SMYD3: variants seen among roughly 807,000 people sequenced by gnomAD.
SMYD3 encodes histone-lysine N-methyltransferase SMYD3.
SMYD3 carries 36 observed loss-of-function variants against 57.7 expected under a neutral mutation model. The observed-to-expected ratio is 0.62, with a 90% confidence interval of 0.48 to 0.82. The LOEUF (loss-of-function observed/expected upper bound fraction) is 0.82, where lower values mean the gene tolerates loss of function less well. Among genes scored for constraint, SMYD3 ranks in the 40% least tolerant of loss-of-function variants. SMYD3 has a pLI of 0.00. For missense variants in SMYD3, 515 were observed against 538.8 expected, an observed-to-expected ratio of 0.96 and a Z score of 0.44; for synonymous variants, 211 against 195.0, an observed-to-expected ratio of 1.08 and a Z score of -0.68.
chr1:246,452,171 C>T (rs1301136576), intron 1 of SMYD3, among the ~76,000 whole-genome samples: 3 of 152,182 alleles, frequency 2.0e-5, no homozygotes, highest in Admixed American at 2.0e-4. Flanking sequence ...CACACAGTGA[C>T]ACCAAAACCT....
At chr1:245,917,340 T>G (rs879671813) in intron 7 of SMYD3, among the ~76,000 whole-genome samples, 3 of 152,234 alleles carry the variant, frequency 2.0e-5, no homozygotes, top group Non-Finnish European at 2.9e-5. Context: ...ATTTTTCTAA[T>G]AATTTATTTT....
intron 10 of SMYD3, among the ~76,000 whole-genome samples, chr1:245,778,885 C>T (rs1457127920): frequency 1.3e-5 from 2 of 152,072 alleles, no homozygotes; most frequent in Admixed American, 6.5e-5. Context: ...GGAGGCCTGG[C>T]GTGGTGGCTC....
At chr1:245,756,171 TTA>T (rs1343529798) in intron 11 of SMYD3, among the ~76,000 whole-genome samples, 1 of 149,346 alleles carries the variant, frequency 6.7e-6, no homozygotes, top group African/African-American at 2.4e-5. Context: ...TGTATGCATA[TTA>T]TATATGTATA....
chr1:246,452,373 G>T (rs1431449878), intron 1 of SMYD3, among the ~76,000 whole-genome samples: 2 of 152,092 alleles, frequency 1.3e-5, no homozygotes, highest in Non-Finnish European at 2.9e-5. Flanking sequence ...GTGGTGTTGT[G>T]CACCTGTACT....
rs1362353739 is a variant in SMYD3 at position 246,481,607 on chromosome 1, TACACATACATATATAC to T, written c.164+25431_164+25446del. 2.0e-3 allele frequency among the ~76,000 whole-genome samples: 126 copies of T among 61,980 alleles called. 8 individuals are homozygous for T. Among genetic ancestry groups the T allele is most frequent in the African/African-American group, 5.9e-3 (121 of 20,382 alleles). 40.7% of individuals were successfully genotyped at this position (61,980 alleles called of 152,430 possible). The stretch of plus-strand genomic sequence containing the variant: ...TTCTCAGGCTCCATATATATATATA[TACACATACATATATAC>T]ATACATACATACACATATTCATATA... On this transcript the variant is annotated intron_variant, in intron 1 of 11. Transcript: ENST00000490107.
At chr1:246,451,747 G>A (rs1044394302) in intron 1 of SMYD3, among the ~76,000 whole-genome samples, 2 of 152,202 alleles carry the variant, frequency 1.3e-5, no homozygotes, top group African/African-American at 2.4e-5. Flanking sequence ...GGGTCTATGC[G>A]AACTCTCTGT....
chr1:246,260,098 A>G (rs1327433809), intron 5 of SMYD3, among the ~76,000 whole-genome samples: 2 of 152,148 alleles, frequency 1.3e-5, no homozygotes, highest in African/African-American at 2.4e-5. Flanking sequence ...GAGTCCCCCT[A>G]TATGAGGATC....
chr1:246,269,470 C>T (rs1396783119), intron 5 of SMYD3, among the ~76,000 whole-genome samples: 1 of 151,964 alleles, frequency 6.6e-6, no homozygotes, highest in Non-Finnish European at 1.5e-5. Context: ...TCATACTCTT[C>T]CCCCATATTC....
At chr1:245,990,766 T>G (rs2058797023) in intron 5 of SMYD3, among the ~76,000 whole-genome samples, 1 of 152,194 alleles carries the variant, frequency 6.6e-6, no homozygotes, top group South Asian at 2.1e-4. Flanking sequence ...TGAATTTTAG[T>G]CCAGTGGGAC....
intron 5 of SMYD3, among the ~76,000 whole-genome samples, chr1:246,076,964 C>T (rs1211954845): frequency 2.6e-5 from 4 of 152,110 alleles, no homozygotes; most frequent in Non-Finnish European, 5.9e-5. Context: ...AGGAGAGAGA[C>T]AATCTTTTCA....
intron 10 of SMYD3, among the ~76,000 whole-genome samples, chr1:245,825,938 G>A (rs558276729): frequency 3.3e-4 from 47 of 141,570 alleles, no homozygotes; most frequent in South Asian, 4.7e-4. Context: ...TCTCCTAAAC[G>A]ACCTTCCTAT....
Position 246,219,569 on chromosome 1 carries a change from CA to C in SMYD3, c.531+107631del, listed in dbSNP as rs1318764679. 3.3e-5 allele frequency among the ~76,000 whole-genome samples: 5 copies of C among 152,138 alleles called. No individual in the cohort carries two copies. In the East Asian group the frequency reaches 7.7e-4, roughly 23 times the overall value. On this transcript the variant is annotated intron_variant, in intron 5 of 11. Coordinates refer to ENST00000490107, the MANE Select transcript of SMYD3 (RefSeq NM_001167740.2). ...GATTCTGGAGCCATGAGTGTGAAGA[CA>C]AAAAGGTTGTCACACTGACCCTTTG...
chr1:246,153,433 G>A (rs1448024384), intron 5 of SMYD3, among the ~76,000 whole-genome samples: 1 of 149,974 alleles, frequency 6.7e-6, no homozygotes, highest in Non-Finnish European at 1.5e-5. Flanking sequence ...GGGAGGGAGA[G>A]GGGGAGGGAG....
intron 1 of SMYD3, among the ~76,000 whole-genome samples, chr1:246,418,486 C>T (rs2067096395): frequency 6.6e-6 from 1 of 152,196 alleles, no homozygotes; most frequent in Non-Finnish European, 1.5e-5. Context: ...CTCTTTTAAT[C>T]TAGCCGTCTG....
At chr1:245,775,642 TC>T (rs766097007) in intron 10 of SMYD3, among the ~76,000 whole-genome samples, 9 of 150,168 alleles carry the variant, frequency 6.0e-5, no homozygotes, top group Non-Finnish European at 1.3e-4. Context: ...CTGCCGACCT[TC>T]CCTCCACTAT....
At chr1:245,983,625 T>G (rs2058645384) in intron 5 of SMYD3, among the ~76,000 whole-genome samples, 1 of 152,248 alleles carries the variant, frequency 6.6e-6, no homozygotes, top group Admixed American at 6.5e-5. Context: ...CATATTGGTT[T>G]GATGAATCCT....
At chr1:246,462,583 C>T (rs1333173443) in intron 1 of SMYD3, among the ~76,000 whole-genome samples, 3 of 152,112 alleles carry the variant, frequency 2.0e-5, no homozygotes, top group East Asian at 1.9e-4. Context: ...CCCCGAGGCT[C>T]GGAGGGCAGA....
chr1:246,080,601 T>C (rs2060624011), intron 5 of SMYD3, among the ~76,000 whole-genome samples: 1 of 152,112 alleles, frequency 6.6e-6, no homozygotes, highest in Non-Finnish European at 1.5e-5. Context: ...CGGGAGACTC[T>C]AGGAGAAAAA....
intron 10 of SMYD3, among the ~76,000 whole-genome samples, chr1:245,808,465 G>A (rs549244260): frequency 7.2e-5 from 11 of 152,322 alleles, no homozygotes; most frequent in Admixed American, 2.6e-4. Flanking sequence ...AATTCAAAAG[G>A]AAATAAGCGT....
Sources: gnomAD v4.1 joint callset for allele counts (sites outside exome capture counted in the v4.1 genomes callset) on GRCh38, gnomAD v4.1.1 for gene constraint, MANE v1.5 for transcripts, NCBI Gene and HGNC (gene_info 2026-07-23, HGNC 2026-07-21) for gene names.